ERBB4: variants seen among roughly 807,000 people sequenced by gnomAD.
ERBB4 encodes erb-b2 receptor tyrosine kinase 4, also known as receptor tyrosine-protein kinase erbB-4.
Under a neutral mutation model 158.0 loss-of-function variants are expected in ERBB4, and 42 were observed. That is an observed-to-expected ratio of 0.27 (90% confidence interval 0.21 to 0.34). ERBB4 has a LOEUF of 0.34. Ranked by LOEUF, ERBB4 falls within the 10% of genes least tolerant of loss-of-function variation. The pLI, the probability that ERBB4 is intolerant of heterozygous loss-of-function variation, is 1.00. For missense variants in ERBB4, 1,333 were observed against 1,624.1 expected (o/e 0.82, Z 3.08); for synonymous variants, 583 against 558.7 (o/e 1.04, Z -0.61).
chr2:212,042,359 T>C (rs2125375321), intron 2 of ERBB4, among the ~76,000 whole-genome samples: 1 of 152,216 alleles, frequency 6.6e-6, no homozygotes, highest in South Asian at 2.1e-4. Flanking sequence ...TATATTAGAT[T>C]CTACCTGAAA....
At chr2:211,641,720 A>G (rs902386160) in intron 16 of ERBB4, among the ~76,000 whole-genome samples, 1 of 152,144 alleles carries the variant, frequency 6.6e-6, no homozygotes, top group African/African-American at 2.4e-5. Context: ...GTAAGTACTA[A>G]TAAGTGGCTT....
intron 1 of ERBB4, among the ~76,000 whole-genome samples, chr2:212,535,813 T>C (rs1418580173): frequency 6.6e-6 from 1 of 151,954 alleles, no homozygotes; most frequent in Non-Finnish European, 1.5e-5. Flanking sequence ...AAAAAAGAGG[T>C]TCTCTTCTGT....
chr2:212,411,249 C>T (rs982216634), intron 1 of ERBB4, among the ~76,000 whole-genome samples: 4 of 151,998 alleles, frequency 2.6e-5, no homozygotes, highest in African/African-American at 4.8e-5. Flanking sequence ...TTTTTCAGTG[C>T]CATAACCACG....
intron 1 of ERBB4, among the ~76,000 whole-genome samples, chr2:212,252,849 T>C (rs2084590401): frequency 1.3e-5 from 2 of 152,064 alleles, no homozygotes; most frequent in African/African-American, 2.4e-5. Context: ...GACATATGTA[T>C]TGTAAAAATT....
intron 20 of ERBB4, among the ~76,000 whole-genome samples, chr2:211,490,328 C>T (rs935702191): frequency 1.3e-5 from 2 of 151,904 alleles, no homozygotes; most frequent in Non-Finnish European, 2.9e-5. Context: ...AGCATTTAGC[C>T]TAAATAAGTT....
intron 2 of ERBB4, among the ~76,000 whole-genome samples, chr2:211,961,667 G>A (rs34306926): frequency 0.15 from 23,196 of 152,112 alleles, 1,790 homozygotes; most frequent in African/African-American, 0.17. Context: ...GAGACTGAAT[G>A]TAAGTATTAT....
rs181395805 is a variant in ERBB4 at position 211,996,778 on chromosome 2, T to G, written c.235-49162A>C. ...GGTTCACTCATCAGTAAATCCTATT[T>G]TGGTGCCAATGAGTAAGAGAAACAT... On this transcript the variant is annotated intron_variant, in intron 2 of 27. Transcript: ENST00000342788. Among the ~76,000 whole-genome samples the G allele has an allele frequency of 3.3e-5, 5 of 152,284 alleles. No individual in the cohort carries two copies. In the East Asian group the frequency reaches 9.7e-4, roughly 29 times the overall value.
At chr2:211,627,412 T>A (rs376226184) in intron 17 of ERBB4, among the ~76,000 whole-genome samples, 24 of 152,234 alleles carry the variant, frequency 1.6e-4, no homozygotes, top group African/African-American at 5.3e-4. Context: ...TGACTACCTT[T>A]ATTTTGCTTG....
At chr2:211,568,689 G>A (rs1015040253) in intron 19 of ERBB4, among the ~76,000 whole-genome samples, 14 of 152,110 alleles carry the variant, frequency 9.2e-5, no homozygotes, top group Non-Finnish European at 1.5e-5. Flanking sequence ...AAGAGAGATA[G>A]AGGAAAAGAA....
chr2:211,470,132 T>C (rs1194568010), intron 20 of ERBB4, among the ~76,000 whole-genome samples: 1 of 152,116 alleles, frequency 6.6e-6, no homozygotes, highest in East Asian at 1.9e-4. Flanking sequence ...TCACTCCTTG[T>C]GGTTGGCTGC....
chr2:211,635,650 A>C (rs529744373), intron 16 of ERBB4, among the ~76,000 whole-genome samples: 2 of 152,242 alleles, frequency 1.3e-5, no homozygotes, highest in South Asian at 4.1e-4. Context: ...TAAAACTCAA[A>C]TGTTTTAAAA....
intron 1 of ERBB4, among the ~76,000 whole-genome samples, chr2:212,246,044 A>G (rs1350969759): frequency 1.3e-5 from 2 of 152,086 alleles, no homozygotes; most frequent in Non-Finnish European, 2.9e-5. Flanking sequence ...TTAAAAGCAA[A>G]TAGATGATCC....
intron 12 of ERBB4, among the ~76,000 whole-genome samples, chr2:211,682,085 C>CACACACACACACACACAA: frequency 6.7e-6 from 1 of 149,838 alleles, no homozygotes; most frequent in African/African-American, 2.5e-5. Context: ...CACACACACA[C>CACACACACACACACACAA]ACACACAATT....
At chr2:211,711,874 C>T (rs2106079943) in intron 9 of ERBB4, among the ~76,000 whole-genome samples, 176 bp downstream of exon 9, 2 of 152,134 alleles carry the variant, frequency 1.3e-5, no homozygotes, top group East Asian at 3.9e-4. Context: ...GAGCACATTC[C>T]AAAACTAGTA....
intron 3 of ERBB4, among the ~76,000 whole-genome samples, chr2:211,828,224 T>C (rs1214795435): frequency 6.6e-6 from 1 of 152,166 alleles, no homozygotes. Flanking sequence ...TTCCTCAATA[T>C]CATATTCATG....
intron 3 of ERBB4, among the ~76,000 whole-genome samples, chr2:211,868,430 G>A (rs2078262308): frequency 6.6e-6 from 1 of 152,112 alleles, no homozygotes; most frequent in Non-Finnish European, 1.5e-5. Context: ...TCACTGCCAG[G>A]TTCTTCCTAT....
intron 2 of ERBB4, among the ~76,000 whole-genome samples, chr2:211,988,232 G>A (rs551868479): frequency 3.3e-5 from 5 of 152,130 alleles, no homozygotes; most frequent in African/African-American, 1.2e-4. Context: ...TTAAAGGCAC[G>A]GTGGTTTAAG....
At chr2:212,063,112 A>T (rs1361857216) in intron 2 of ERBB4, among the ~76,000 whole-genome samples, 2 of 148,112 alleles carry the variant, frequency 1.4e-5, no homozygotes, top group East Asian at 1.9e-4. Context: ...TGCCATTTTT[A>T]AAAAATTTAG....
At chr2:212,447,300 A>G (rs1175186938) in intron 1 of ERBB4, among the ~76,000 whole-genome samples, 2 of 152,110 alleles carry the variant, frequency 1.3e-5, no homozygotes, top group Non-Finnish European at 2.9e-5. Context: ...CCCAGCCAAT[A>G]CCAAATTTTT....
Sources: allele counts gnomAD v4.1 joint callset (sites outside exome capture counted in the v4.1 genomes callset), GRCh38; gene constraint gnomAD v4.1.1; transcripts MANE v1.5; gene names NCBI Gene and HGNC (gene_info 2026-07-23, HGNC 2026-07-21).